CFAP52: variants seen among roughly 807,000 people sequenced by gnomAD.
CFAP52 encodes the protein cilia- and flagella-associated protein 52.
Under a neutral mutation model 70.5 loss-of-function variants are expected in CFAP52, and 57 were observed. The ratio of observed to expected loss-of-function variants is 0.81; its 90% confidence interval spans 0.65 to 1.01. The LOEUF (loss-of-function observed/expected upper bound fraction) is 1.01, where lower values mean the gene tolerates loss of function less well. Among genes scored for constraint, CFAP52 ranks in the 50% least tolerant of loss-of-function variants. The pLI is 0.00. For missense variants in CFAP52, 785 were observed against 788.5 expected (o/e 1.00, Z 0.05); for synonymous variants, 267 against 292.5 (o/e 0.91, Z 0.89).
chr17:9,596,047 A>ATGTGTGTG, intron 4 of CFAP52, among the ~76,000 whole-genome samples: 1 of 44,396 alleles, frequency 2.3e-5, no homozygotes, highest in Non-Finnish European at 6.0e-5. Flanking sequence ...GTATGTAGAT[A>ATGTGTGTG]TATATGTGTG....
chr17:9,630,562 T>C (rs1597792723), intron 9 of CFAP52, among the ~76,000 whole-genome samples: 5 of 149,352 alleles, frequency 3.3e-5, no homozygotes, highest in African/African-American at 1.2e-4. Context: ...CCCGAGTAGC[T>C]GGGACTACAG....
intron 5 of CFAP52, among the ~76,000 whole-genome samples, chr17:9,599,225 C>T (rs1239169394): frequency 6.6e-6 from 1 of 152,110 alleles, no homozygotes; most frequent in African/African-American, 2.4e-5. Context: ...ATGAGCATTT[C>T]CTTGGAGTGT....
Position 9,632,427 on chromosome 17 carries a change from A to T in CFAP52, c.1175-461A>T, listed in dbSNP as rs75822418. ...AAAAAGGAAGTTCTTGATCAAGAAG[A>T]TGACATAATTTTTAAAAGGCCACAC... On this transcript the variant is annotated intron_variant, in intron 9 of 13. Coordinates refer to ENST00000352665, the MANE Select transcript of CFAP52 (RefSeq NM_145054.5). 4.7e-4 allele frequency among the ~76,000 whole-genome samples: 72 copies of T among 152,042 alleles called. No homozygotes were observed. In the Middle Eastern group the frequency reaches 0.01, roughly 22 times the overall value.
chr17:9,643,212 T>A lies in CFAP52; in HGVS notation c.*14T>A. 5 of 1,586,516 alleles carry A rather than the reference T, an allele frequency of 3.2e-6. No individual in the cohort carries two copies. The South Asian group carries it at 5.9e-5, about 19-fold the overall frequency. ...TATACCTCCTGAAGCTGATGAGATG[T>A]CTCTGAGCCTTGGCGTTGCACGCAG... On this transcript the variant is annotated 3_prime_UTR_variant, in exon 14 of 14. Coordinates refer to ENST00000352665, the MANE Select transcript of CFAP52 (RefSeq NM_145054.5).
At position 9,643,041 on chromosome 17, in the gene CFAP52, T is replaced by C; in HGVS notation, c.1706T>C (p.Val569Ala). Residue 569 changes from valine (V) to alanine (A), a missense_variant, in exon 14 of 14, where the codon GTC becomes GCC. Val to Ala is a moderately conservative substitution (Grantham distance 64, BLOSUM62 0). Transcript: ENST00000352665. The part of the protein sequence containing the change: ...HFVTGGNDHL[V>A]KVWDYNEGEV... ...TTTTCAGGTGGAAATGACCATCTGG[T>C]CAAAGTTTGGGATTATAATGAGGGT... 9 of 1,605,250 alleles carry C rather than the reference T, an allele frequency of 5.6e-6. No individual in the cohort carries two copies. Among genetic ancestry groups the C allele is most frequent in the Non-Finnish European group, 6.8e-6 (8 of 1,175,916 alleles).
At chr17:9,631,052 G>GAGAGAAGAAAGAAAGAA (rs370935367) in intron 9 of CFAP52, among the ~76,000 whole-genome samples, 1 of 37,950 alleles carries the variant, frequency 2.6e-5, no homozygotes, top group Admixed American at 3.4e-4. Flanking sequence ...GAGAGAGAGA[G>GAGAGAAGAAAGAAAGAA]AGAAAGAAAG....
chr17:9,600,110 G>T lies in CFAP52; in HGVS notation c.680G>T (p.Gly227Val). 6.2e-7 allele frequency: 1 copy of T among 1,613,998 alleles called. No homozygotes were observed. The highest frequency in any genetic ancestry group is 8.5e-7 in the Non-Finnish European group (1 of 1,179,954). ...TTTTTCTACCTTGGCACCACGACTG[G>T]AGATATTCTAAAAATGAACCCCAGG... ...DSFFYLGTTT[G>V]DILKMNPRTK... The change falls in exon 6 of 14, where the codon GGA (glycine) becomes GTA (valine). Residue 227 changes from glycine (G) to valine (V), a missense_variant. Transcript: ENST00000352665.
rs374075070 is a variant in CFAP52, at chr17:9,581,011, G to A, written c.70+4246G>A. Among the ~76,000 whole-genome samples the A allele has an allele frequency of 4.4e-4, 67 of 152,218 alleles. 3 individuals carry two copies. In the South Asian group the frequency reaches 0.01, roughly 24 times the overall value. On this transcript the variant is annotated intron_variant, in intron 1 of 13. Coordinates refer to ENST00000352665, the MANE Select transcript of CFAP52 (RefSeq NM_145054.5). ...GAAGAAACAACCCAAATATCCATTG[G>A]TAAGAAGTTTTAAAAAACTACGTGG...
intron 11 of CFAP52, among the ~76,000 whole-genome samples, chr17:9,635,821 T>C (rs181205572): frequency 9.2e-5 from 14 of 152,270 alleles, no homozygotes; most frequent in Admixed American, 7.9e-4. Flanking sequence ...CAGTGAAGCA[T>C]GGTTTAACTT....
At chr17:9,612,603 CG>C (rs1453442338) in intron 8 of CFAP52, 124 bp downstream of exon 8, 1 of 1,118,796 alleles carries the variant, frequency 8.9e-7, no homozygotes, top group Non-Finnish European at 1.2e-6. Flanking sequence ...ATTTTTCTAA[CG>C]TGGTGAATTA....
At chr17:9,601,600 C>A (rs1909273969) in intron 6 of CFAP52, among the ~76,000 whole-genome samples, 1 of 152,124 alleles carries the variant, frequency 6.6e-6, no homozygotes, top group Non-Finnish European at 1.5e-5. Flanking sequence ...TAGATTTTAG[C>A]CTCAGCTGAC....
At chr17:9,602,807 TCTAA>T (rs1386596020) in intron 6 of CFAP52, among the ~76,000 whole-genome samples, 1 of 152,222 alleles carries the variant, frequency 6.6e-6, no homozygotes, top group African/African-American at 2.4e-5. Flanking sequence ...TGATCGCCAT[TCTAA>T]CTAACGTGAG....
At chr17:9,594,051 C>T in intron 3 of CFAP52, 142 bp from the exon 4 acceptor site, 2 of 1,215,258 alleles carry the variant, frequency 1.6e-6, no homozygotes, top group African/African-American at 1.5e-5. Flanking sequence ...GAGGAGATGT[C>T]AGGGGTGGGG....
intron 13 of CFAP52, among the ~76,000 whole-genome samples, chr17:9,642,303 C>G (rs1911104405): frequency 1.3e-5 from 2 of 152,338 alleles, no homozygotes; most frequent in African/African-American, 4.8e-5. Context: ...CATTTCCTGC[C>G]AAGCTCTTTG....
At chr17:9,600,224 CT>C (rs1166664516) in intron 6 of CFAP52, 41 bp downstream of exon 6, 1 of 1,525,550 alleles carries the variant, frequency 6.6e-7, no homozygotes, top group Non-Finnish European at 9.1e-7. Context: ...ATTTTTCTCC[CT>C]TCACTGGCAG....
At chr17:9,623,712 G>T (rs968175362) in intron 8 of CFAP52, among the ~76,000 whole-genome samples, 1 of 151,800 alleles carries the variant, frequency 6.6e-6, no homozygotes, top group Admixed American at 6.6e-5. Flanking sequence ...AAGAGACAGG[G>T]TTTCACTCTG....
chr17:9,595,650 TA>T (rs909039713), intron 4 of CFAP52, among the ~76,000 whole-genome samples: 14 of 151,230 alleles, frequency 9.3e-5, no homozygotes, highest in South Asian at 2.1e-4. Context: ...AATTTTATAT[TA>T]AAAAAAAAGT....
chr17:9,596,522 A>T (rs1909027073), intron 4 of CFAP52, among the ~76,000 whole-genome samples: 1 of 152,148 alleles, frequency 6.6e-6, no homozygotes, highest in Admixed American at 6.5e-5. Flanking sequence ...ACATATAATG[A>T]GTAAATACCG....
intron 7 of CFAP52, 70 bp from the exon 8 acceptor site, chr17:9,612,239 A>G: frequency 6.4e-7 from 1 of 1,556,286 alleles, no homozygotes; most frequent in Admixed American, 1.7e-5. Context: ...ATCCTCTGCC[A>G]TGCTTCACAT....
Sources: gnomAD v4.1 joint callset for allele counts (sites outside exome capture counted in the v4.1 genomes callset) on GRCh38, gnomAD v4.1.1 for gene constraint, MANE v1.5 for transcripts, NCBI Gene and HGNC (gene_info 2026-07-23, HGNC 2026-07-21) for gene names.